LCOR: variants seen among roughly 807,000 people sequenced by gnomAD.
LCOR encodes ligand dependent nuclear receptor corepressor.
In LCOR, 14 loss-of-function variants were observed where a neutral mutation model predicts 64.4. The ratio of observed to expected loss-of-function variants is 0.22; its 90% confidence interval spans 0.14 to 0.34. The LOEUF (loss-of-function observed/expected upper bound fraction) is 0.34. LCOR is among the 10% of genes least tolerant of loss of function. LCOR has a pLI of 1.00. For missense variants in LCOR, 1,686 were observed against 1,765.3 expected, an observed-to-expected ratio of 0.96 and a Z score of 0.80; for synonymous variants, 643 against 642.5, an observed-to-expected ratio of 1.00 and a Z score of -0.01.
intron 1 of LCOR, among the ~76,000 whole-genome samples, chr10:96,832,616 C>T (rs956670100): frequency 1.3e-5 from 2 of 149,786 alleles, no homozygotes; most frequent in African/African-American, 2.4e-5. Flanking sequence ...CCCTCCCCTC[C>T]GCGCGCCTCC....
intron 7 of LCOR, among the ~76,000 whole-genome samples, chr10:96,971,740 A>G (rs1848001039): frequency 6.6e-6 from 1 of 152,224 alleles, no homozygotes; most frequent in South Asian, 2.1e-4. Context: ...GGGCAGAGAT[A>G]TACAATATAG....
chr10:96,856,968 A>G (rs1480030675), intron 2 of LCOR, among the ~76,000 whole-genome samples: 2 of 152,072 alleles, frequency 1.3e-5, no homozygotes, highest in African/African-American at 2.4e-5. Flanking sequence ...GGGAAGATCT[A>G]CTTAATTTCA....
intron 4 of LCOR, among the ~76,000 whole-genome samples, chr10:96,934,344 C>G (rs1349796660): frequency 1.3e-5 from 2 of 152,324 alleles, no homozygotes; most frequent in Non-Finnish European, 1.5e-5. Flanking sequence ...CTTCTACTCT[C>G]ATCCCTCCCT....
chr10:96,936,544 G>C (rs1321353263), intron 4 of LCOR, among the ~76,000 whole-genome samples: 1 of 152,182 alleles, frequency 6.6e-6, no homozygotes, highest in Non-Finnish European at 1.5e-5. Flanking sequence ...AATATAGGAA[G>C]TCAGAAGTAA....
intron 7 of LCOR, among the ~76,000 whole-genome samples, chr10:96,969,027 CTGT>C (rs2134552668): frequency 6.6e-6 from 1 of 152,156 alleles, no homozygotes; most frequent in South Asian, 2.1e-4. Flanking sequence ...GTTTTCTTAT[CTGT>C]AAAAGAGGGT....
chr10:96,862,497 C>T (rs959105445), intron 2 of LCOR, among the ~76,000 whole-genome samples: 4 of 152,256 alleles, frequency 2.6e-5, no homozygotes, highest in Middle Eastern at 3.4e-3. Flanking sequence ...AACTCCTGAC[C>T]TCAGGTGATC....
At chr10:96,927,695 G>T (rs1847192491) in intron 4 of LCOR, among the ~76,000 whole-genome samples, 1 of 152,052 alleles carries the variant, frequency 6.6e-6, no homozygotes, top group African/African-American at 2.4e-5. Flanking sequence ...ATTTGTTCTA[G>T]CACCATTTGT....
At position 96,866,455 on chromosome 10, in the gene LCOR, A is replaced by G. The variant is rs566452845; in HGVS notation, c.-330+32976A>G. 2.0e-5 allele frequency among the ~76,000 whole-genome samples: 3 copies of G among 152,308 alleles called. No individual in the cohort carries two copies. In the East Asian group the frequency reaches 5.8e-4, roughly 29 times the overall value. On this transcript the variant is annotated intron_variant, in intron 2 of 7. Coordinates refer to ENST00000421806, the MANE Select transcript of LCOR (RefSeq NM_001346516.2). ...GGGGGCTGTTATAAATAATGCTGCT[A>G]TAAACATTTTTGTACAAGTCTTTTT...
At chr10:96,898,933 G>A (rs1846587440) in intron 2 of LCOR, among the ~76,000 whole-genome samples, 1 of 152,160 alleles carries the variant, frequency 6.6e-6, no homozygotes, top group Non-Finnish European at 1.5e-5. Context: ...GGATGGAAAA[G>A]AGAGAACAGA....
intron 4 of LCOR, among the ~76,000 whole-genome samples, chr10:96,930,982 A>G (rs1433510833): frequency 6.6e-6 from 1 of 152,204 alleles, no homozygotes; most frequent in Non-Finnish European, 1.5e-5. Flanking sequence ...AAAATGGGCT[A>G]GACAAACTCC....
At chr10:96,876,013 T>TAA (rs78165964) in intron 2 of LCOR, among the ~76,000 whole-genome samples, 6 of 140,118 alleles carry the variant, frequency 4.3e-5, no homozygotes, top group Admixed American at 1.4e-4. Flanking sequence ...ACTTAAACAT[T>TAA]AAAAAAAAAA....
chr10:96,876,641 CGGACAAGGCAAT>C (rs1360671912), intron 2 of LCOR, among the ~76,000 whole-genome samples: 1 of 152,044 alleles, frequency 6.6e-6, no homozygotes. Context: ...TTAGAAAATA[CGGACAAGGCAAT>C]GAATAGGCAG....
chr10:96,930,101 G>T (rs992203748), intron 4 of LCOR, among the ~76,000 whole-genome samples: 1 of 152,140 alleles, frequency 6.6e-6, no homozygotes, highest in African/African-American at 2.4e-5. Flanking sequence ...ACACCAAGTG[G>T]TGTCACCATA....
intron 2 of LCOR, among the ~76,000 whole-genome samples, chr10:96,836,057 TGTG>T (rs1280626211): frequency 6.6e-6 from 1 of 152,190 alleles, no homozygotes; most frequent in African/African-American, 2.4e-5. Flanking sequence ...TGGGGAAAGT[TGTG>T]GTGATTTCAG....
In LCOR at chr10:96,994,384, C is replaced by T. The variant is rs1848226449; in HGVS notation, c.*9250C>T. ...ATTTCTCCCAGCGTGTCCAGTTCAG[C>T]AGATTTCTAAAGCTGTTAAGCAGCC... On this transcript the variant is annotated 3_prime_UTR_variant, in exon 8 of 8. Transcript: ENST00000421806. The T allele has an allele frequency of 6.6e-6, 1 of 152,206 alleles. No individual in the cohort carries two copies. Among genetic ancestry groups the T allele is most frequent in the Non-Finnish European group, 1.5e-5 (1 of 68,056 alleles). 9.4% of individuals were successfully genotyped at this position (152,206 alleles called of 1,614,324 possible). A position where few individuals can be genotyped will look rare whatever the true frequency, so the allele number is the denominator to read the frequency against.
rs1419325673 is a variant in LCOR at position 96,993,742 on chromosome 10, TTA to T, written c.*8612_*8613del. On this transcript the variant is annotated 3_prime_UTR_variant, in exon 8 of 8. Coordinates refer to ENST00000421806, the MANE Select transcript of LCOR (RefSeq NM_001346516.2). ...TGCCCCCTCTTCTCATCTGGTTATG[TTA>T]TATTATATATATATATTATATATAT... The T allele has an allele frequency of 3.4e-5, 5 of 147,506 alleles. No individual in the cohort carries two copies. The highest frequency in any genetic ancestry group is 7.4e-5 in the Non-Finnish European group (5 of 67,310). The allele number at this position is 147,506 out of a possible 1,614,324, so 9.1% of individuals were successfully genotyped here.
chr10:96,850,467 A>G (rs1232927136), intron 2 of LCOR, among the ~76,000 whole-genome samples: 2 of 152,172 alleles, frequency 1.3e-5, no homozygotes, highest in Non-Finnish European at 2.9e-5. Flanking sequence ...ATTTAAGAAG[A>G]GATATGGCAT....
chr10:96,918,906 G>T (rs1298416169), intron 4 of LCOR, among the ~76,000 whole-genome samples: 1 of 152,164 alleles, frequency 6.6e-6, no homozygotes, highest in Non-Finnish European at 1.5e-5. Flanking sequence ...CTCATCTGCA[G>T]CACTGCTCAA....
In LCOR at chr10:96,990,390, A is replaced by AT. The variant is rs111407034; in HGVS notation, c.*5270dup. The AT allele has an allele frequency of 6.7e-3, 967 of 144,866 alleles. 4 individuals are homozygous for AT. The highest frequency in any genetic ancestry group is 0.025 in the Middle Eastern group (7 of 276). 9.0% of individuals were successfully genotyped at this position (144,866 alleles called of 1,614,324 possible). A position where few individuals can be genotyped will look rare whatever the true frequency, so the allele number is the denominator to read the frequency against. On this transcript the variant is annotated 3_prime_UTR_variant, in exon 8 of 8. Coordinates refer to ENST00000421806, the MANE Select transcript of LCOR (RefSeq NM_001346516.2). The stretch of plus-strand genomic sequence containing the variant: ...AGGTGCATGCCACCACACCCAGTTA[A>AT]TTTTTTTTTTTTTTCCAGTTTTAGC...
Sources: allele counts gnomAD v4.1 joint callset (sites outside exome capture counted in the v4.1 genomes callset), GRCh38; gene constraint gnomAD v4.1.1; transcripts MANE v1.5; gene names NCBI Gene and HGNC (gene_info 2026-07-23, HGNC 2026-07-21).